TOPAZ1: variants seen among roughly 807,000 people sequenced by gnomAD.
TOPAZ1 encodes the protein testis and ovary specific TOPAZ 1, also known as protein TOPAZ1.
TOPAZ1 carries 66 observed loss-of-function variants against 172.2 expected under a neutral mutation model. The ratio of observed to expected loss-of-function variants is 0.38; its 90% CI spans 0.31 to 0.47. The LOEUF is 0.47. Among genes scored for constraint, TOPAZ1 ranks in the 20% least tolerant of loss-of-function variants. TOPAZ1 has a pLI of 0.99. For missense variants in TOPAZ1, 1,822 were observed against 1,972.4 expected (o/e 0.92, Z 1.44); for synonymous variants, 681 against 683.9 (o/e 1.00, Z 0.07).
At position 44,243,482 on chromosome 3, in the gene TOPAZ1, G is replaced by A. The variant is rs931560520; in HGVS notation, c.976G>A (p.Val326Ile). ...KNKYSIEESS[V>I]GRKPRKRMKL... ...TAAATATTCAATAGAGGAGAGCAGT[G>A]TTGGGCGAAAACCCAGGAAAAGGAT... The change falls in exon 2 of 20, where the codon GTT becomes ATT. Residue 326 changes from valine (V) to isoleucine (I), a missense_variant. By Grantham distance (29) the Val-to-Ile change is conservative (BLOSUM62 3). This residue lies in a region of TOPAZ1 where 1,489 missense variants were observed against 1,490.8 expected (regional missense o/e 1.00). Transcript: ENST00000309765. The A allele has an allele frequency of 6.4e-7, 1 of 1,551,626 alleles. No homozygotes were observed. The highest frequency in any genetic ancestry group is 1.4e-5 in the African/African-American group (1 of 73,058).
Position 44,245,216 on chromosome 3 carries a change from A to G in TOPAZ1, c.2710A>G (p.Thr904Ala), listed in dbSNP as rs1056198085. The change falls in exon 2 of 20, where the codon ACA becomes GCA. Residue 904 changes from threonine to alanine, a missense_variant. Around this residue, in one of 2 missense-constraint regions of TOPAZ1, gnomAD observed 1,489 missense variants for 1,490.8 expected, o/e 1.00. Coordinates refer to ENST00000309765, the MANE Select transcript of TOPAZ1 (RefSeq NM_001145030.2). ...EPNVAGEHQSTDSKYMETPVK... is the reference protein window; with the variant it reads ...EPNVAGEHQSADSKYMETPVK... ...CAATGTTGCTGGAGAGCACCAATCA[A>G]CAGACTCCAAGTACATGGAAACTCC... 10 of 1,550,606 alleles carry G rather than the reference A, an allele frequency of 6.4e-6. No individual in the cohort carries two copies. In the African/African-American group the frequency reaches 8.2e-5, roughly 13 times the overall value.
At chr3:44,308,861 C>T (rs1029493934) in intron 15 of TOPAZ1, among the ~76,000 whole-genome samples, 10 of 151,976 alleles carry the variant, frequency 6.6e-5, no homozygotes, top group African/African-American at 2.4e-4. Flanking sequence ...TTTAAAAATG[C>T]ACTCTTTTAT....
chr3:44,249,566 AG>A (rs1559524910), intron 2 of TOPAZ1, among the ~76,000 whole-genome samples: 1 of 152,196 alleles, frequency 6.6e-6, no homozygotes, highest in East Asian at 1.9e-4. Context: ...ATGCTACCTC[AG>A]TAGTGGCATT....
Position 44,287,741 on chromosome 3 carries a change from A to G in TOPAZ1, c.3589-6A>G, listed in dbSNP as rs1279392490. The stretch of plus-strand genomic sequence containing the variant: ...AAAATGAGTGTAATTTTTTTGTTTT[A>G]TCCAGCCTTCTCTGAAAATATTACT... On this transcript the variant is annotated splice_polypyrimidine_tract_variant and splice_region_variant and intron_variant, in intron 10 of 19. Coordinates refer to ENST00000309765, the MANE Select transcript of TOPAZ1 (RefSeq NM_001145030.2). The G allele has an allele frequency of 1.4e-6, 2 of 1,432,918 alleles. No individual in the cohort carries two copies. Among genetic ancestry groups the G allele is most frequent in the African/African-American group, 1.5e-5 (1 of 68,760 alleles). 88.8% of individuals were successfully genotyped at this position (1,432,918 alleles called of 1,614,324 possible). A position where few individuals can be genotyped will look rare whatever the true frequency, so the allele number is the denominator to read the frequency against.
chr3:44,277,806 C>G (rs1699979604), intron 8 of TOPAZ1, among the ~76,000 whole-genome samples: 2 of 152,156 alleles, frequency 1.3e-5, no homozygotes, highest in African/African-American at 4.8e-5. Context: ...CTCTCTCTTG[C>G]TCTCTTGTTC....
chr3:44,285,655 C>T (rs572963937), intron 9 of TOPAZ1, among the ~76,000 whole-genome samples: 3 of 151,694 alleles, frequency 2.0e-5, no homozygotes, highest in East Asian at 2.0e-4. Flanking sequence ...CTGCAACCTC[C>T]GCCTCCTGGG....
At chr3:44,288,189 A>G (rs895802253) in intron 11 of TOPAZ1, among the ~76,000 whole-genome samples, 2 of 152,136 alleles carry the variant, frequency 1.3e-5, no homozygotes, top group African/African-American at 4.8e-5. Flanking sequence ...AAAAATATAA[A>G]ATTCAACTTT....
At position 44,274,560 on chromosome 3, in the gene TOPAZ1, A is replaced by ATT. The variant is rs1167855723; in HGVS notation, c.3372+3750_3372+3751insTT. ...GGCACAAAATGGAAGTAAAGCCTTA[A>ATT]ATTTTTTTTTTTTTTTGAGATGGAT... On this transcript the variant is annotated intron_variant, in intron 8 of 19. Coordinates refer to ENST00000309765, the MANE Select transcript of TOPAZ1 (RefSeq NM_001145030.2). 6.6e-5 allele frequency among the ~76,000 whole-genome samples: 8 copies of ATT among 120,472 alleles called. No individual in the cohort carries two copies. The South Asian group carries it at 3.0e-3, about 46-fold the overall frequency. 79.0% of individuals were successfully genotyped at this position (120,472 alleles called of 152,430 possible). A position where few individuals can be genotyped will look rare whatever the true frequency, so the allele number is the denominator to read the frequency against.
intron 12 of TOPAZ1, among the ~76,000 whole-genome samples, chr3:44,300,539 G>T (rs1700260333): frequency 6.6e-6 from 1 of 152,158 alleles, no homozygotes; most frequent in African/African-American, 2.4e-5. Flanking sequence ...AGCCATAAGA[G>T]AAATGTAAAA....
intron 12 of TOPAZ1, among the ~76,000 whole-genome samples, chr3:44,296,860 A>ATAG (rs1700203112): frequency 1.2e-5 from 1 of 86,828 alleles, no homozygotes; most frequent in East Asian, 3.2e-4. Flanking sequence ...AAAAAAAAAA[A>ATAG]AAAAGAAAAA....
chr3:44,270,333 G>A (rs539977659), intron 7 of TOPAZ1, among the ~76,000 whole-genome samples: 1 of 152,258 alleles, frequency 6.6e-6, no homozygotes, highest in East Asian at 1.9e-4. Flanking sequence ...TAAAGTATGT[G>A]GGGGCAGGGA....
intron 2 of TOPAZ1, among the ~76,000 whole-genome samples, chr3:44,247,494 C>A (rs1050092673): frequency 6.6e-6 from 1 of 152,114 alleles, no homozygotes; most frequent in African/African-American, 2.4e-5. Context: ...ATATAGCCTA[C>A]CCCACATTTT....
chr3:44,256,274 A>G lies in TOPAZ1; in HGVS notation c.2951A>G (p.Glu984Gly). 6.6e-7 allele frequency: 1 copy of G among 1,518,472 alleles called. No homozygotes were observed. The highest frequency in any genetic ancestry group is 8.8e-7 in the Non-Finnish European group (1 of 1,137,770). The allele number at this position is 1,518,472 out of a possible 1,614,324, so 94.1% of individuals were successfully genotyped here. A position where few individuals can be genotyped will look rare whatever the true frequency, so the allele number is the denominator to read the frequency against. The part of the protein sequence containing the change: ...SEQIKGSDLD[E>G]KHRFTDKVIT... Reference sequence around the variant, plus strand: ...CAAATAAAAGGTTCAGACTTGGATGAAAAGGTACTAGGGGATCTTTTGTGT... The same window carrying G: ...CAAATAAAAGGTTCAGACTTGGATGGAAAGGTACTAGGGGATCTTTTGTGT... Residue 984 changes from glutamate (E) to glycine (G), a missense_variant, in exon 4 of 20, where the codon GAA becomes GGA. Glu to Gly is a moderately conservative substitution (Grantham distance 98). Around this residue, in one of 2 missense-constraint regions of TOPAZ1, gnomAD observed 1,489 missense variants for 1,490.8 expected, o/e 1.00. Coordinates refer to ENST00000309765, the MANE Select transcript of TOPAZ1 (RefSeq NM_001145030.2).
chr3:44,329,484 A>C (rs1488367910), intron 19 of TOPAZ1, among the ~76,000 whole-genome samples: 2 of 152,194 alleles, frequency 1.3e-5, no homozygotes, highest in Non-Finnish European at 2.9e-5. Flanking sequence ...TGAGTGATCC[A>C]AGAAAGAAAA....
intron 16 of TOPAZ1, among the ~76,000 whole-genome samples, chr3:44,316,705 T>C (rs1048390318): frequency 6.6e-6 from 1 of 152,222 alleles, no homozygotes; most frequent in African/African-American, 2.4e-5. Flanking sequence ...ATCTCAAAGT[T>C]ACGTATTCAT....
At chr3:44,282,110 G>A (rs774837612) in intron 9 of TOPAZ1, 79 bp downstream of exon 9, 39 of 1,019,402 alleles carry the variant, frequency 3.8e-5, no homozygotes, top group Non-Finnish European at 5.6e-5. Flanking sequence ...TCAATAATTT[G>A]TAAGTTTGAA....
chr3:44,251,605 A>G (rs1210590120), intron 2 of TOPAZ1, among the ~76,000 whole-genome samples: 1 of 152,212 alleles, frequency 6.6e-6, no homozygotes, highest in Non-Finnish European at 1.5e-5. Context: ...CCTTACTACA[A>G]CAGATATAGT....
At chr3:44,334,501 A>C (rs762145104), downstream of TOPAZ1, among the ~76,000 whole-genome samples, 5 of 152,174 alleles carry the variant, frequency 3.3e-5, no homozygotes, top group Non-Finnish European at 4.4e-5. Flanking sequence ...ATATATGTGG[A>C]AGTTGCTGTT....
intron 8 of TOPAZ1, among the ~76,000 whole-genome samples, chr3:44,280,942 A>G (rs527516829): frequency 6.6e-6 from 1 of 152,222 alleles, no homozygotes; most frequent in East Asian, 1.9e-4. Context: ...GCTACTTAGG[A>G]CTGAGGAATT....
Sources: allele counts gnomAD v4.1 joint callset (sites outside exome capture counted in the v4.1 genomes callset), GRCh38; gene constraint gnomAD v4.1.1; regional missense constraint gnomAD v4.1.1; transcripts MANE v1.5; gene names NCBI Gene and HGNC (gene_info 2026-07-23, HGNC 2026-07-21).